The following RIMS2 variants were observed in gnomAD, a reference collection of about 807,000 sequenced individuals.
The protein encoded by RIMS2 is regulating synaptic membrane exocytosis 2, also known as regulating synaptic membrane exocytosis protein 2.
In RIMS2, 59 loss-of-function variants were observed where a neutral mutation model predicts 174.4. The ratio of observed to expected loss-of-function variants is 0.34; its 90% CI spans 0.27 to 0.42. The LOEUF (loss-of-function observed/expected upper bound fraction) is 0.42. Ranked by LOEUF, RIMS2 falls within the 10% of genes least tolerant of loss-of-function variation. The pLI is 1.00. For missense variants in RIMS2, 1,620 were observed against 1,666.3 expected, an observed-to-expected ratio of 0.97 and a Z score of 0.48; for synonymous variants, 606 against 572.5, an observed-to-expected ratio of 1.06 and a Z score of -0.84.
intron 2 of RIMS2, among the ~76,000 whole-genome samples, chr8:103,710,101 T>G (rs1040085712): frequency 2.0e-5 from 3 of 152,114 alleles, no homozygotes; most frequent in African/African-American, 7.2e-5. Flanking sequence ...TGTAGAAGGC[T>G]TTTGTTCCCA....
At chr8:103,847,960 C>T (rs994561670) in intron 3 of RIMS2, among the ~76,000 whole-genome samples, 3 of 151,794 alleles carry the variant, frequency 2.0e-5, no homozygotes, top group Non-Finnish European at 4.4e-5. Context: ...TATTTAATAC[C>T]TCTTGTGTAG....
At chr8:104,108,875 TAG>T (rs1162241242) in intron 19 of RIMS2, among the ~76,000 whole-genome samples, 1 of 152,162 alleles carries the variant, frequency 6.6e-6, no homozygotes, top group East Asian at 1.9e-4. Flanking sequence ...CTGTCATATA[TAG>T]AGACTTAGAG....
At chr8:104,055,887 T>G (rs189531372) in intron 19 of RIMS2, among the ~76,000 whole-genome samples, 35 of 152,240 alleles carry the variant, frequency 2.3e-4, no homozygotes, top group Admixed American at 2.3e-3. Flanking sequence ...AATCCTCTCT[T>G]TCTTCCTCTC....
chr8:104,187,341 T>A (rs1311021065), intron 19 of RIMS2, among the ~76,000 whole-genome samples: 2 of 151,816 alleles, frequency 1.3e-5, no homozygotes, highest in South Asian at 2.1e-4. Context: ...ATGAACAATA[T>A]AATGATGATA....
In RIMS2 at chr8:103,893,108, G is replaced by C. The variant is rs970147094; in HGVS notation, c.1624+6885G>C. Among the ~76,000 whole-genome samples, 3 of 152,018 alleles carry C rather than the reference G, an allele frequency of 2.0e-5. No homozygotes were observed. The East Asian group carries it at 5.8e-4, about 29-fold the overall frequency. On this transcript the variant is annotated intron_variant, in intron 4 of 23. Transcript: ENST00000504942. Reference sequence around the variant, plus strand: ...GTTTAAGACTAATTCAATATTTCAAGAGGGATAGAGTAGATTCATTCATTC... The same window carrying C: ...GTTTAAGACTAATTCAATATTTCAACAGGGATAGAGTAGATTCATTCATTC...
chr8:103,574,252 T>G (rs1427817564), intron 1 of RIMS2, among the ~76,000 whole-genome samples: 3 of 152,176 alleles, frequency 2.0e-5, no homozygotes, highest in African/African-American at 7.2e-5. Context: ...GTTCCCCCAC[T>G]TTAGTAAATA....
intron 19 of RIMS2, among the ~76,000 whole-genome samples, chr8:104,170,753 G>A (rs1798637743): frequency 6.6e-6 from 1 of 151,956 alleles, no homozygotes; most frequent in African/African-American, 2.4e-5. Flanking sequence ...TATAGGTCCT[G>A]TGAGATTTAT....
chr8:103,837,173 G>T (rs956231216), intron 3 of RIMS2, among the ~76,000 whole-genome samples: 1 of 152,192 alleles, frequency 6.6e-6, no homozygotes, highest in African/African-American at 2.4e-5. Flanking sequence ...GTCCAGGTGG[G>T]CTTGTTTGAG....
rs144746394 is a variant in RIMS2, at chr8:103,892,076, G to A, written c.1624+5853G>A. On this transcript the variant is annotated intron_variant, in intron 4 of 23. Transcript: ENST00000504942. Reference sequence around the variant, plus strand: ...AAGACAATATACATTAGCAGTGTGAGGAAAATATTAATTTATGGTATTTCA... The same window carrying A: ...AAGACAATATACATTAGCAGTGTGAAGAAAATATTAATTTATGGTATTTCA... Among the ~76,000 whole-genome samples, 5 of 151,886 alleles carry A rather than the reference G, an allele frequency of 3.3e-5. No homozygotes were observed. In the East Asian group the frequency reaches 9.7e-4, roughly 30 times the overall value.
chr8:103,927,986 G>T, intron 11 of RIMS2: 1 of 893,614 alleles, frequency 1.1e-6, no homozygotes. Context: ...TTTTTGTTAT[G>T]TTGCTCCAAA....
chr8:103,595,868 C>CT (rs971268095), intron 1 of RIMS2, among the ~76,000 whole-genome samples: 6 of 151,740 alleles, frequency 4.0e-5, no homozygotes, highest in African/African-American at 1.4e-4. Context: ...CCTCTTCCAT[C>CT]TTTTTTTTCC....
chr8:103,566,064 A>G (rs1284591011), intron 1 of RIMS2, among the ~76,000 whole-genome samples: 3 of 152,208 alleles, frequency 2.0e-5, no homozygotes, highest in Admixed American at 2.0e-4. Flanking sequence ...TATAACAAAC[A>G]TAGGTATACC....
chr8:104,224,696 C>T (rs2099174629), intron 19 of RIMS2, among the ~76,000 whole-genome samples: 1 of 151,966 alleles, frequency 6.6e-6, no homozygotes, highest in Admixed American at 6.6e-5. Context: ...AATCAATGAC[C>T]TCTTATTAGG....
At chr8:103,845,664 T>C (rs909717177) in intron 3 of RIMS2, among the ~76,000 whole-genome samples, 1 of 152,080 alleles carries the variant, frequency 6.6e-6, no homozygotes, top group Admixed American at 6.6e-5. Flanking sequence ...TCAAATATGC[T>C]TTTTGCTAGT....
intron 1 of RIMS2, among the ~76,000 whole-genome samples, chr8:103,541,425 T>C (rs944008358): frequency 2.0e-5 from 3 of 152,154 alleles, no homozygotes; most frequent in Admixed American, 1.3e-4. Flanking sequence ...TACTTTCCCA[T>C]ACAAACAAAA....
chr8:103,762,026 T>A (rs1191893816), intron 2 of RIMS2, among the ~76,000 whole-genome samples: 2 of 151,894 alleles, frequency 1.3e-5, no homozygotes, highest in Non-Finnish European at 2.9e-5. Context: ...GTAAATTTTT[T>A]TTTTTTTTTG....
chr8:103,819,419 G>A lies in RIMS2; in HGVS notation c.698+52882G>A, dbSNP rs534654107. ...AGGAGAAATATGGAACTTGATTGGCGTGTTTTTATTTGATGGTGTCAGCAA... is the reference window on the plus strand; with the variant it reads ...AGGAGAAATATGGAACTTGATTGGCATGTTTTTATTTGATGGTGTCAGCAA... On this transcript the variant is annotated intron_variant, in intron 3 of 23. Coordinates refer to ENST00000504942, the Ensembl canonical transcript of RIMS2. 88 of 1,584,690 alleles carry A rather than the reference G, an allele frequency of 5.6e-5. 2 individuals are homozygous for A. The Admixed American group carries it at 9.7e-4, about 17-fold the overall frequency.
At chr8:103,591,945 T>G (rs2094282136) in intron 1 of RIMS2, among the ~76,000 whole-genome samples, 1 of 151,164 alleles carries the variant, frequency 6.6e-6, no homozygotes, top group South Asian at 2.1e-4. Flanking sequence ...AAAAGCTTAG[T>G]GAAGTTATGA....
intron 1 of RIMS2, among the ~76,000 whole-genome samples, chr8:103,556,414 T>TA (rs113174980): frequency 6.6e-6 from 1 of 152,296 alleles, no homozygotes; most frequent in African/African-American, 2.4e-5. Flanking sequence ...ATTTTCAGCT[T>TA]AAAAGCCCTT....
Sources: allele counts gnomAD v4.1 joint callset (sites outside exome capture counted in the v4.1 genomes callset), GRCh38; gene constraint gnomAD v4.1.1; transcripts MANE v1.5; gene names NCBI Gene and HGNC (gene_info 2026-07-23, HGNC 2026-07-21).